RHCE: variants seen among roughly 807,000 people sequenced by gnomAD.
RHCE encodes Rh blood group CcEe antigens.
Under a neutral mutation model 43.8 loss-of-function variants are expected in RHCE, and 22 were observed. The ratio of observed to expected loss-of-function variants is 0.50; its 90% CI spans 0.36 to 0.72. RHCE has a LOEUF of 0.72. RHCE is among the 30% of genes least tolerant of loss of function. RHCE has a pLI of 0.00. For synonymous variants in RHCE, 156 were observed against 210.7 expected, an observed-to-expected ratio of 0.74 and a Z score of 2.25; for missense variants, 385 against 525.4, an observed-to-expected ratio of 0.73 and a Z score of 2.61.
At chr1:25,415,019 A>G (rs1647275222) in intron 1 of RHCE, among the ~76,000 whole-genome samples, 2 of 152,110 alleles carry the variant, frequency 1.3e-5, no homozygotes, top group Admixed American at 1.3e-4. Context: ...CTTAACTCCA[A>G]GCCCAGAATG....
At position 25,391,965 on chromosome 1, in the gene RHCE, T is replaced by G. The variant is rs112970979; in HGVS notation, c.634+29A>C. The stretch of plus-strand genomic sequence containing the variant: ...TGAGCCATTCTGCTCAGCCCAAGTA[T>G]GAGACCACTCACCCCACCTTGTCCT... On this transcript the variant is annotated intron_variant, in intron 4 of 9. Transcript: ENST00000294413. 0.014 allele frequency: 22,073 copies of G among 1,612,786 alleles called. 1,127 individuals carry two copies. In the African/African-American group the frequency reaches 0.15, roughly 11 times the overall value.
intron 1 of RHCE, among the ~76,000 whole-genome samples, chr1:25,417,852 T>G (rs757401652): frequency 3.9e-4 from 60 of 152,246 alleles, no homozygotes; most frequent in Non-Finnish European, 6.6e-4. Flanking sequence ...ACGCTGGTCT[T>G]GTGTCTCAAG....
intron 1 of RHCE, among the ~76,000 whole-genome samples, chr1:25,416,527 T>C (rs887609378): frequency 2.6e-5 from 4 of 152,230 alleles, no homozygotes; most frequent in Admixed American, 1.3e-4. Context: ...CCTCCCAAAG[T>C]GCTGGGATTA....
Position 25,362,463 on chromosome 1 carries a change from A to C in RHCE, c.*64T>G, listed in dbSNP as rs1298019909. 1 of 1,612,178 alleles carries C rather than the reference A, an allele frequency of 6.2e-7. No homozygotes were observed. Among genetic ancestry groups the C allele is most frequent in the Non-Finnish European group, 8.5e-7 (1 of 1,178,938 alleles). On this transcript the variant is annotated 3_prime_UTR_variant, in exon 10 of 10. Transcript: ENST00000294413. ...ATGAGCGTTTCTCACGTACAAATGC[A>C]GGCAACAGTGAGAGGAAGTTGTCTT...
chr1:25,415,505 AG>A (rs1363662222), intron 1 of RHCE, among the ~76,000 whole-genome samples: 1 of 152,086 alleles, frequency 6.6e-6, no homozygotes, highest in Non-Finnish European at 1.5e-5. Flanking sequence ...ATACAAAATT[AG>A]CCGGGCGTGG....
chr1:25,390,689 T>C (rs1646330270), intron 5 of RHCE, 60 bp downstream of exon 5: 1 of 1,601,164 alleles, frequency 6.2e-7, no homozygotes, highest in Non-Finnish European at 8.6e-7. Context: ...GGGAGGGGCA[T>C]AAATATGTGT....
intron 9 of RHCE, among the ~76,000 whole-genome samples, chr1:25,370,152 G>T (rs763351908): frequency 6.6e-6 from 1 of 151,656 alleles, no homozygotes; most frequent in Non-Finnish European, 1.5e-5. Context: ...TCTGTCACCC[G>T]CATGTCAAAC....
At chr1:25,424,259 A>G (rs557800591), upstream of RHCE, among the ~76,000 whole-genome samples, 66 of 152,312 alleles carry the variant, frequency 4.3e-4, no homozygotes, top group African/African-American at 1.4e-3. Context: ...CCTACTTACC[A>G]TGGCTTTATC....
chr1:25,403,966 A>G (rs1646834937), intron 2 of RHCE, among the ~76,000 whole-genome samples: 1 of 151,082 alleles, frequency 6.6e-6, no homozygotes, highest in African/African-American at 2.4e-5. Flanking sequence ...CCAGGGGTTC[A>G]AGAGTGGCCT....
At chr1:25,371,208 T>C (rs1391595172) in intron 8 of RHCE, among the ~76,000 whole-genome samples, 1 of 151,208 alleles carries the variant, frequency 6.6e-6, no homozygotes, top group Non-Finnish European at 1.5e-5. Context: ...TGGGCTACTA[T>C]GGAGGGCGAC....
intron 3 of RHCE, among the ~76,000 whole-genome samples, chr1:25,396,191 A>C (rs1264064465): frequency 6.6e-6 from 1 of 152,272 alleles, no homozygotes; most frequent in Non-Finnish European, 1.5e-5. Context: ...TCGAAACTTC[A>C]AAACATGTCA....
chr1:25,420,970 G>A, upstream of RHCE: 3 of 978,398 alleles, frequency 3.1e-6, no homozygotes, highest in Non-Finnish European at 4.5e-6. Flanking sequence ...CTATGATGGG[G>A]AGGGGAGGAA....
In RHCE at chr1:25,412,636, TAGA is replaced by T. The variant is rs542952594; in HGVS notation, c.149-3770_149-3768del. On this transcript the variant is annotated intron_variant, in intron 1 of 9. Transcript: ENST00000294413. Reference sequence around the variant, plus strand: ...GTGAGGTGGGAGGATGGCTTGTGCCTAGAAGGTTAAGGCTGCAGTGAGCCACGA... The same window carrying T: ...GTGAGGTGGGAGGATGGCTTGTGCCTAGGTTAAGGCTGCAGTGAGCCACGA... Among the ~76,000 whole-genome samples the T allele has an allele frequency of 1.3e-3, 176 of 140,726 alleles. 2 individuals are homozygous for T. The highest frequency in any genetic ancestry group is 4.5e-3 in the African/African-American group (171 of 37,910). The allele number at this position is 140,726 out of a possible 152,430, so 92.3% of individuals were successfully genotyped here.
chr1:25,392,365 G>A (rs1380125434), intron 3 of RHCE, among the ~76,000 whole-genome samples: 10 of 152,196 alleles, frequency 6.6e-5, no homozygotes, highest in Admixed American at 3.3e-4. Flanking sequence ...AGGTTCACGC[G>A]ATTCTCCTGC....
chr1:25,378,748 C>A (rs1239057689), intron 7 of RHCE, among the ~76,000 whole-genome samples: 1 of 152,204 alleles, frequency 6.6e-6, no homozygotes, highest in Non-Finnish European at 1.5e-5. Context: ...GCTGCCTGGT[C>A]CCTGGATGAC....
upstream of RHCE, among the ~76,000 whole-genome samples, chr1:25,421,927 G>C (rs1224832110): frequency 6.6e-6 from 1 of 152,214 alleles, no homozygotes; most frequent in Non-Finnish European, 1.5e-5. Context: ...GTGGAAGGTG[G>C]AAAGTGGATA....
At position 25,407,832 on chromosome 1, in the gene RHCE, G is replaced by A. The variant is rs552536695; in HGVS notation, c.335+851C>T. Among the ~76,000 whole-genome samples, 2 of 123,300 alleles carry A rather than the reference G, an allele frequency of 1.6e-5. 1 individual carries two copies. The highest frequency in any genetic ancestry group is 3.7e-5 in the Non-Finnish European group (2 of 54,042). The allele number at this position is 123,300 out of a possible 152,430, so 80.9% of individuals were successfully genotyped here. ...TAATCAATATCCACCTCCTGCCCAGGTAACCACTATTCTGACTTCTGGCAC... is the reference window on the plus strand; with the variant it reads ...TAATCAATATCCACCTCCTGCCCAGATAACCACTATTCTGACTTCTGGCAC... On this transcript the variant is annotated intron_variant, in intron 2 of 9. Coordinates refer to ENST00000294413, the MANE Select transcript of RHCE (RefSeq NM_020485.8).
In RHCE at chr1:25,420,231, G is replaced by A. The variant is rs375817412; in HGVS notation, c.148+408C>T. Among the ~76,000 whole-genome samples, 402 of 152,144 alleles carry A rather than the reference G, an allele frequency of 2.6e-3. 2 individuals are homozygous for A. The highest frequency in any genetic ancestry group is 9.3e-3 in the African/African-American group (387 of 41,486). On this transcript the variant is annotated intron_variant, in intron 1 of 9. Transcript: ENST00000294413. ...AGGCCACAAAAAGGAAACAAAACCC[G>A]AAAACCCAACAACATGAAATTGCTT... is the stretch of plus-strand genomic sequence containing the variant.
intron 6 of RHCE, among the ~76,000 whole-genome samples, chr1:25,387,905 C>G (rs185981396): frequency 1.2e-4 from 19 of 152,052 alleles, no homozygotes; most frequent in Admixed American, 1.2e-3. Flanking sequence ...ACTGCAAGCT[C>G]TGTCTCCCAG....
Sources: allele counts gnomAD v4.1 joint callset (sites outside exome capture counted in the v4.1 genomes callset), GRCh38; gene constraint gnomAD v4.1.1; transcripts MANE v1.5; gene names NCBI Gene and HGNC (gene_info 2026-07-23, HGNC 2026-07-21).